The following INO80D variants were observed in gnomAD, a reference collection of about 807,000 sequenced individuals.
The protein encoded by INO80D is INO80 complex subunit D.
INO80D carries 21 observed loss-of-function variants against 87.6 expected under a neutral mutation model. The ratio of observed to expected loss-of-function variants is 0.24; its 90% CI spans 0.17 to 0.35. The LOEUF is 0.35. Among genes scored for constraint, INO80D ranks in the 10% least tolerant of loss-of-function variants. The probability of loss-of-function intolerance (pLI) is 1.00; values close to 1 mark genes in which losing one functional copy is unlikely to be tolerated. For missense variants in INO80D, 982 were observed against 1,280.7 expected (o/e 0.77, Z 3.56); for synonymous variants, 440 against 491.0 (o/e 0.90, Z 1.37).
At chr2:206,070,364 C>T (rs993769605) in intron 1 of INO80D, among the ~76,000 whole-genome samples, 1 of 151,644 alleles carries the variant, frequency 6.6e-6, no homozygotes, top group African/African-American at 2.4e-5. Context: ...GTCGAGGCTA[C>T]AGTGTGCCAA....
chr2:206,051,665 T>C (rs1392904070), intron 4 of INO80D, among the ~76,000 whole-genome samples: 3 of 152,164 alleles, frequency 2.0e-5, no homozygotes, highest in African/African-American at 7.2e-5. Flanking sequence ...AGAAGTTTTT[T>C]TTTTTAATTT....
At chr2:206,030,571 G>A (rs1486780143) in intron 5 of INO80D, among the ~76,000 whole-genome samples, 1 of 152,102 alleles carries the variant, frequency 6.6e-6, no homozygotes, top group Non-Finnish European at 1.5e-5. Context: ...CGTAAGCCAA[G>A]ACACACAAGA....
chr2:206,021,648 T>C (rs922495941), intron 6 of INO80D, among the ~76,000 whole-genome samples: 3 of 152,298 alleles, frequency 2.0e-5, no homozygotes, highest in South Asian at 4.1e-4. Context: ...GAGTTTTGCT[T>C]GTTGCCCAGG....
intron 5 of INO80D, among the ~76,000 whole-genome samples, chr2:206,035,323 A>G (rs930297274): frequency 3.9e-5 from 6 of 152,142 alleles, no homozygotes; most frequent in Admixed American, 3.3e-4. Context: ...GAGGCAACAC[A>G]CTACCTGATT....
rs1210927857 is a variant in INO80D, at chr2:205,994,267, C to T, written c.*10101G>A. On this transcript the variant is annotated 3_prime_UTR_variant, in exon 11 of 11. Coordinates refer to ENST00000403263, the MANE Select transcript of INO80D (RefSeq NM_017759.5). ...TGTCAGTTTGTAAGTTCCCTTTAAG[C>T]GGCTTTTATATTTTTGTATTTATTT... 6.6e-6 allele frequency: 1 copy of T among 152,118 alleles called. No homozygotes were observed. The highest frequency in any genetic ancestry group is 1.5e-5 in the Non-Finnish European group (1 of 68,026). 9.4% of individuals were successfully genotyped at this position (152,118 alleles called of 1,614,324 possible).
chr2:206,007,403 G>A lies in INO80D; in HGVS notation c.1799C>T (p.Pro600Leu), dbSNP rs1176662627. 11 of 1,613,476 alleles carry A rather than the reference G, an allele frequency of 6.8e-6. No homozygotes were observed. The highest frequency in any genetic ancestry group is 1.3e-5 in the African/African-American group (1 of 74,870). The part of the protein sequence containing the change: ...STPELSADEL[P>L]DDIANEITDI... ...AGTGATCTCATTGGCAATGTCATCC[G>A]GCAACTCATCAGCACTCAGCTCTGG... The change falls in exon 10 of 11, where the codon CCG becomes CTG. Residue 600 changes from proline to leucine, a missense_variant. Coordinates refer to ENST00000403263, the MANE Select transcript of INO80D (RefSeq NM_017759.5).
At chr2:206,054,726 C>T (rs1689468448) in intron 4 of INO80D, among the ~76,000 whole-genome samples, 2 of 151,798 alleles carry the variant, frequency 1.3e-5, no homozygotes. Flanking sequence ...GTTGGCCAGG[C>T]TAGTCTCCAA....
intron 1 of INO80D, among the ~76,000 whole-genome samples, chr2:206,079,759 A>T (rs1201195795): frequency 1.3e-5 from 2 of 152,204 alleles, no homozygotes; most frequent in Non-Finnish European, 2.9e-5. Flanking sequence ...ACGTAAAAGA[A>T]ATCCAAACTC....
At chr2:206,047,813 GATGGTA>G (rs1689237780) in intron 4 of INO80D, among the ~76,000 whole-genome samples, 1 of 151,834 alleles carries the variant, frequency 6.6e-6, no homozygotes, top group South Asian at 2.1e-4. Context: ...GGAAGGGTAG[GATGGTA>G]ATGTTCTACT....
chr2:206,064,817 GAA>G (rs140035256), intron 1 of INO80D, among the ~76,000 whole-genome samples: 2 of 146,590 alleles, frequency 1.4e-5, no homozygotes, highest in Admixed American at 6.8e-5. Flanking sequence ...ACTGTAGTAG[GAA>G]AAAAAAAAAC....
In INO80D at chr2:206,077,107, A is replaced by G. The variant is rs1690140279; in HGVS notation, c.-124+8794T>C. The stretch of plus-strand genomic sequence containing the variant: ...GCTAACATGGTGAAACCCCATCTCT[A>G]CTAAAAATACAAAAAAAAAATTAGC... On this transcript the variant is annotated intron_variant, in intron 1 of 10. Transcript: ENST00000403263. Among the ~76,000 whole-genome samples the G allele has an allele frequency of 2.6e-5, 4 of 151,974 alleles. No individual in the cohort carries two copies. The South Asian group carries it at 8.3e-4, about 32-fold the overall frequency.
chr2:206,035,731 C>T (rs1398343431), intron 5 of INO80D, among the ~76,000 whole-genome samples: 10 of 152,044 alleles, frequency 6.6e-5, no homozygotes, highest in South Asian at 2.1e-4. Context: ...ATAGCTGGGA[C>T]GTAATTAAAC....
intron 5 of INO80D, among the ~76,000 whole-genome samples, chr2:206,036,095 T>C (rs774216713): frequency 4.6e-5 from 7 of 152,154 alleles, no homozygotes; most frequent in Non-Finnish European, 1.0e-4. Context: ...AATCAGTAGA[T>C]GTTGGCATGG....
intron 8 of INO80D, 124 bp from the exon 9 acceptor site, chr2:206,009,918 CTA>C (rs1575796061): frequency 1.5e-6 from 1 of 686,240 alleles, no homozygotes; most frequent in East Asian, 2.7e-5. Flanking sequence ...ATGCCCAAAA[CTA>C]TGTATAACAA....
rs571360714 is a variant in INO80D at position 206,027,160 on chromosome 2, A to G, written c.1298+951T>C. Among the ~76,000 whole-genome samples the G allele has an allele frequency of 9.9e-4, 140 of 141,628 alleles. 1 individual carries two copies. The East Asian group carries it at 0.014, about 15-fold the overall frequency. The allele number at this position is 141,628 out of a possible 152,430, so 92.9% of individuals were successfully genotyped here. On this transcript the variant is annotated intron_variant, in intron 6 of 10. Coordinates refer to ENST00000403263, the MANE Select transcript of INO80D (RefSeq NM_017759.5). ...TACACACGCACGCGCGCACGCGCAC[A>G]CACACACACACACACACAGAGAAAG... is the stretch of plus-strand genomic sequence containing the variant.
intron 6 of INO80D, 25 bp from the exon 7 acceptor site, chr2:206,019,870 A>C (rs1322601108): frequency 1.3e-6 from 2 of 1,568,856 alleles, no homozygotes; most frequent in African/African-American, 2.7e-5. Context: ...ACAGAGAATT[A>C]ATTTTTTTTT....
At chr2:206,020,642 A>G (rs1297665239) in intron 6 of INO80D, among the ~76,000 whole-genome samples, 1 of 152,144 alleles carries the variant, frequency 6.6e-6, no homozygotes, top group Non-Finnish European at 1.5e-5. Flanking sequence ...CTTAATGTTT[A>G]AATATTTTAA....
intron 5 of INO80D, among the ~76,000 whole-genome samples, chr2:206,040,009 A>AGG (rs1559447547): frequency 6.6e-6 from 1 of 151,760 alleles, no homozygotes; most frequent in African/African-American, 2.4e-5. Flanking sequence ...AAAAAAGCCC[A>AGG]GGCCCAGGCG....
chr2:206,031,135 T>C (rs1326071393), intron 5 of INO80D, among the ~76,000 whole-genome samples: 1 of 151,936 alleles, frequency 6.6e-6, no homozygotes, highest in Non-Finnish European at 1.5e-5. Context: ...ATCCCTGTAG[T>C]CCCAGCTACT....
Sources: gnomAD v4.1 joint callset for allele counts (sites outside exome capture counted in the v4.1 genomes callset) on GRCh38, gnomAD v4.1.1 for gene constraint, MANE v1.5 for transcripts, NCBI Gene and HGNC (gene_info 2026-07-23, HGNC 2026-07-21) for gene names.